The following SP6 variants were observed in gnomAD, a reference collection of about 807,000 sequenced individuals.
SP6 encodes transcription factor Sp6.
SP6 carries 10 observed loss-of-function variants against 23.4 expected under a neutral mutation model. That is an observed-to-expected ratio of 0.43 (90% CI 0.26 to 0.72). SP6 has a LOEUF of 0.72. Among genes scored for constraint, SP6 ranks in the 30% least tolerant of loss-of-function variants. SP6 has a pLI of 0.23. For synonymous variants in SP6, 238 were observed against 238.7 expected, an observed-to-expected ratio of 1.00 and a Z score of 0.03; for missense variants, 482 against 523.8, an observed-to-expected ratio of 0.92 and a Z score of 0.78.
At chr17:47,857,075 A>G (rs2034003171), upstream of SP6, among the ~76,000 whole-genome samples, 1 of 151,998 alleles carries the variant, frequency 6.6e-6, no homozygotes, top group Non-Finnish European at 1.5e-5. Flanking sequence ...CCACCCATCA[A>G]GCAGGAGAGA....
the SP6 span, among the ~76,000 whole-genome samples, chr17:47,871,432 C>T: frequency 6.6e-6 from 1 of 152,340 alleles, no homozygotes; most frequent in East Asian, 1.9e-4. Context: ...TTAAGAATTA[C>T]TCAAGATTTA....
chr17:47,847,811 C>T lies in SP6; in HGVS notation c.619G>A (p.Asp207Asn). 1 of 1,533,200 alleles carries T rather than the reference C, an allele frequency of 6.5e-7. No homozygotes were observed. Among genetic ancestry groups the T allele is most frequent in the Non-Finnish European group, 8.7e-7 (1 of 1,143,764 alleles). The allele number at this position is 1,533,200 out of a possible 1,614,324, so 95.0% of individuals were successfully genotyped here. The stretch of plus-strand genomic sequence containing the variant: ...GAGCCTTTGGGACGCGCCGCCCCGT[C>T]CAGGCTGGAATCCAGCCCTTGAGAC... ...PESQGLDSSL[D>N]GAARPKGSRR... The change falls in exon 2 of 2, where the codon GAC becomes AAC. Residue 207 changes from aspartate (D) to asparagine (N), a missense_variant. Asp to Asn is a conservative substitution (Grantham distance 23). This residue lies in a region of SP6 where 330 missense variants were observed against 332.3 expected (regional missense o/e 0.99). Coordinates refer to ENST00000536300, the MANE Select transcript of SP6 (RefSeq NM_001258248.2).
chr17:47,866,014 T>C, the SP6 span, among the ~76,000 whole-genome samples: 1 of 152,176 alleles, frequency 6.6e-6, no homozygotes, highest in African/African-American at 2.4e-5. Context: ...GGAGACATGC[T>C]TCATCTTTAT....
upstream of SP6, among the ~76,000 whole-genome samples, chr17:47,859,060 A>C (rs1290215986): frequency 1.3e-5 from 2 of 151,958 alleles, no homozygotes; most frequent in Admixed American, 1.3e-4. Flanking sequence ...CAGGCGTGAG[A>C]TATGATGCCT....
the SP6 span, among the ~76,000 whole-genome samples, chr17:47,868,421 G>A: frequency 2.6e-5 from 4 of 152,180 alleles, no homozygotes. Context: ...AAGTACCATG[G>A]GGACGACCCA....
the SP6 span, among the ~76,000 whole-genome samples, chr17:47,867,032 A>G: frequency 1.3e-5 from 2 of 152,124 alleles, no homozygotes; most frequent in African/African-American, 4.8e-5. Flanking sequence ...GCTGGCAGGA[A>G]CAAAGGATGA....
rs1399545581 is a variant in SP6, at chr17:47,848,124, G to A, written c.306C>T (p.His102=). Residue 102 remains histidine (H), a synonymous_variant, in exon 2 of 2, where the codon CAC becomes CAT. Coordinates refer to ENST00000536300, the MANE Select transcript of SP6 (RefSeq NM_001258248.2). This position sits in a 1 kb window ranked among gnomAD's most constrained non-coding sequence, Gnocchi z 5.3. ...TCGGCCTGAACCACGATTCATAATGGTGTGACATGTCCGGCTGCAGGAGCT... is the reference window on the plus strand; with the variant it reads ...TCGGCCTGAACCACGATTCATAATGATGTGACATGTCCGGCTGCAGGAGCT... The part of the protein sequence containing the change: ...FSKLLQPDMS[H]HYESWFRPTH... The A allele has an allele frequency of 6.2e-7, 1 of 1,613,636 alleles. No homozygotes were observed. The highest frequency in any genetic ancestry group is 8.5e-7 in the Non-Finnish European group (1 of 1,179,994).
intron 1 of SP6, among the ~76,000 whole-genome samples, chr17:47,850,134 C>G (rs1040044521): frequency 6.6e-6 from 1 of 152,164 alleles, no homozygotes; most frequent in South Asian, 2.1e-4. Context: ...AGCCAGGGAC[C>G]CTAACAGCTT....
At chr17:47,852,734 C>A (rs2033970223), upstream of SP6, among the ~76,000 whole-genome samples, 1 of 152,146 alleles carries the variant, frequency 6.6e-6, no homozygotes, top group Admixed American at 6.6e-5. Flanking sequence ...CCCTCAGACA[C>A]GCACACGTTC....
chr17:47,847,146 G>C lies in SP6; in HGVS notation c.*153C>G, dbSNP rs986943087. 2.5e-6 allele frequency: 2 copies of C among 786,702 alleles called. No individual in the cohort carries two copies. The highest frequency in any genetic ancestry group is 3.5e-5 in the African/African-American group (2 of 57,348). The allele number at this position is 786,702 out of a possible 1,614,324, so 48.7% of individuals were successfully genotyped here. ...TAGCCCCAGAGACTAAGAACCCCTA[G>C]CGCCCCATCTCCCTGTCCCTGCACC... On this transcript the variant is annotated 3_prime_UTR_variant, in exon 2 of 2. Coordinates refer to ENST00000536300, the MANE Select transcript of SP6 (RefSeq NM_001258248.2).
At chr17:47,873,819 C>G in the SP6 span, among the ~76,000 whole-genome samples, 2 of 141,838 alleles carry the variant, frequency 1.4e-5, no homozygotes, top group African/African-American at 5.1e-5. Context: ...CTCTCTCCCT[C>G]CCTCCCCCCT....
At chr17:47,861,891 CA>C in the SP6 span, among the ~76,000 whole-genome samples, 1 of 151,240 alleles carries the variant, frequency 6.6e-6, no homozygotes, top group African/African-American at 2.4e-5. Context: ...ACAAAAAGTA[CA>C]AAAATTAGTT....
chr17:47,863,940 A>T, the SP6 span, among the ~76,000 whole-genome samples: 1 of 147,406 alleles, frequency 6.8e-6, no homozygotes, highest in Non-Finnish European at 1.5e-5. Flanking sequence ...GGGTTTCACC[A>T]TGTTAGCCTG....
At chr17:47,852,698 T>C (rs1242048308), upstream of SP6, among the ~76,000 whole-genome samples, 3 of 152,068 alleles carry the variant, frequency 2.0e-5, no homozygotes, top group Admixed American at 6.6e-5. Flanking sequence ...AATCAATCCA[T>C]GTGTGTATGC....
rs891706453 is a variant in SP6, at chr17:47,845,851, G to T, written c.*1448C>A. On this transcript the variant is annotated 3_prime_UTR_variant, in exon 2 of 2. Coordinates refer to ENST00000536300, the MANE Select transcript of SP6 (RefSeq NM_001258248.2). ...GGAGGGGTGTCAGAGGGACTGTAAG[G>T]CCCCTCTCTTGAGTGTGGGAAAGCC... The T allele has an allele frequency of 2.0e-5, 3 of 152,218 alleles. No homozygotes were observed. The highest frequency in any genetic ancestry group is 7.2e-5 in the African/African-American group (3 of 41,426). 9.4% of individuals were successfully genotyped at this position (152,218 alleles called of 1,614,324 possible).
At chr17:47,860,299 G>C (rs1400026246), upstream of SP6, among the ~76,000 whole-genome samples, 1 of 152,142 alleles carries the variant, frequency 6.6e-6, no homozygotes, top group Non-Finnish European at 1.5e-5. Flanking sequence ...GCCTTCTCCA[G>C]TTTTTCAAGT....
chr17:47,874,263 T>A, the SP6 span, among the ~76,000 whole-genome samples: 9 of 151,994 alleles, frequency 5.9e-5, no homozygotes, highest in Non-Finnish European at 7.4e-5. Flanking sequence ...ATTTTAAAAA[T>A]TTTTTTCTGT....
chr17:47,847,422 G>A lies in SP6; in HGVS notation c.1008C>T (p.His336=), dbSNP rs1324746600. 6.2e-7 allele frequency: 1 copy of A among 1,613,612 alleles called. No homozygotes were observed. The change falls in exon 2 of 2, where the codon CAC becomes CAT. Residue 336 remains histidine, a synonymous_variant. Transcript: ENST00000536300. The stretch of plus-strand genomic sequence containing the variant: ...CAGCCGCCTCCTCCTTGGCGCCCTC[G>A]TGGGTTTTCATGTGCTTGGCCAGGT... ...SDHLAKHMKT[H]EGAKEEAAGA...
At chr17:47,870,326 T>A in the SP6 span, among the ~76,000 whole-genome samples, 1 of 152,148 alleles carries the variant, frequency 6.6e-6, no homozygotes, top group East Asian at 1.9e-4. Flanking sequence ...CTCTGTCCCT[T>A]TCATCTCCCT....
Sources: allele counts gnomAD v4.1 joint callset (sites outside exome capture counted in the v4.1 genomes callset), GRCh38; gene constraint gnomAD v4.1.1; regional missense constraint gnomAD v4.1.1; non-coding constraint Gnocchi (gnomAD v3.1); transcripts MANE v1.5; gene names NCBI Gene and HGNC (gene_info 2026-07-23, HGNC 2026-07-21).